The following CWF19L2 variants were observed in gnomAD, a reference collection of about 807,000 sequenced individuals.
CWF19L2 encodes CWF19 like cell cycle control factor 2.
Under a neutral mutation model 111.7 loss-of-function variants are expected in CWF19L2, and 98 were observed. That is an observed-to-expected ratio of 0.88 (90% CI 0.75 to 1.04). CWF19L2 has a LOEUF of 1.04. Among genes scored for constraint, CWF19L2 ranks in the 50% least tolerant of loss-of-function variants. The pLI is 0.00. For missense variants in CWF19L2, 1,101 were observed against 1,051.4 expected (o/e 1.05, Z -0.65); for synonymous variants, 351 against 342.9 (o/e 1.02, Z -0.26).
chr11:107,433,304 A>G (rs1861490535), intron 7 of CWF19L2, among the ~76,000 whole-genome samples: 1 of 152,132 alleles, frequency 6.6e-6, no homozygotes, highest in Non-Finnish European at 1.5e-5. Context: ...GAATATACCT[A>G]ACTCTGGAAT....
chr11:107,454,685 G>T, intron 2 of CWF19L2, 113 bp from the exon 3 acceptor site: 1 of 633,354 alleles, frequency 1.6e-6, no homozygotes, highest in Non-Finnish European at 2.3e-6. Flanking sequence ...AATCTCTGAT[G>T]AAATAAGACC....
At chr11:107,407,684 T>C (rs376775695) in intron 10 of CWF19L2, among the ~76,000 whole-genome samples, 19 of 152,180 alleles carry the variant, frequency 1.2e-4, no homozygotes, top group Admixed American at 5.2e-4. Context: ...GGCTTCAGTA[T>C]CTGTTACAGA....
chr11:107,329,598 G>C (rs925882347), intron 17 of CWF19L2, among the ~76,000 whole-genome samples: 19 of 152,104 alleles, frequency 1.2e-4, no homozygotes, highest in Non-Finnish European at 1.9e-4. Flanking sequence ...TAGAACAGTA[G>C]CTGGCACACT....
At chr11:107,376,189 G>A (rs1346953075) in intron 12 of CWF19L2, among the ~76,000 whole-genome samples, 1 of 123,662 alleles carries the variant, frequency 8.1e-6, no homozygotes. Context: ...AGAGGTACAA[G>A]GAGGAACTGG....
intron 10 of CWF19L2, among the ~76,000 whole-genome samples, chr11:107,409,132 T>C (rs1861121392): frequency 6.6e-6 from 1 of 151,418 alleles, no homozygotes; most frequent in Non-Finnish European, 1.5e-5. Flanking sequence ...AGTTCACATA[T>C]TCTGGGAATC....
At chr11:107,385,195 T>C (rs913601404) in intron 12 of CWF19L2, among the ~76,000 whole-genome samples, 5 of 152,112 alleles carry the variant, frequency 3.3e-5, no homozygotes, top group Admixed American at 2.6e-4. Flanking sequence ...TCAGGCAGGA[T>C]GAACTAAAAA....
intron 4 of CWF19L2, 131 bp from the exon 5 acceptor site, chr11:107,441,753 C>G (rs1199204892): frequency 1.2e-6 from 1 of 828,586 alleles, no homozygotes; most frequent in Non-Finnish European, 1.7e-6. Flanking sequence ...ACAAGTCCTA[C>G]ATGGCTATAT....
At chr11:107,380,195 G>A (rs1008111523) in intron 12 of CWF19L2, among the ~76,000 whole-genome samples, 1 of 151,620 alleles carries the variant, frequency 6.6e-6, no homozygotes, top group Non-Finnish European at 1.5e-5. Flanking sequence ...ATTACACAAG[G>A]ATTACCAACA....
rs758911405 is a variant in CWF19L2 at position 107,439,079 on chromosome 11, T to C, written c.664+11A>G. 5.5e-6 allele frequency: 4 copies of C among 730,050 alleles called. No individual in the cohort carries two copies. The East Asian group carries it at 1.1e-4, about 19-fold the overall frequency. The allele number at this position is 730,050 out of a possible 1,614,324, so 45.2% of individuals were successfully genotyped here. A position where few individuals can be genotyped will look rare whatever the true frequency, so the allele number is the denominator to read the frequency against. ...AAACCCTGTGTGTCTATAATCAAAA[T>C]GTAGAAATACCTTTAGTAATCGATG... On this transcript the variant is annotated intron_variant, in intron 6 of 17. Transcript: ENST00000282251.
chr11:107,328,353 C>T (rs1020784833), intron 17 of CWF19L2, among the ~76,000 whole-genome samples: 2 of 152,086 alleles, frequency 1.3e-5, no homozygotes, highest in East Asian at 3.9e-4. Context: ...AAAAGTTTAC[C>T]TAAAATTGTC....
At chr11:107,344,662 G>C (rs890289377) in intron 14 of CWF19L2, among the ~76,000 whole-genome samples, 4 of 152,162 alleles carry the variant, frequency 2.6e-5, no homozygotes, top group Non-Finnish European at 5.9e-5. Context: ...TACGAGGGCT[G>C]CTTTAAAATC....
intron 12 of CWF19L2, among the ~76,000 whole-genome samples, chr11:107,357,009 G>A (rs1860247146): frequency 6.6e-6 from 1 of 152,118 alleles, no homozygotes. Flanking sequence ...TTGCACTCCA[G>A]CCTGGGCAAC....
At chr11:107,350,249 G>A (rs1335986628) in intron 13 of CWF19L2, among the ~76,000 whole-genome samples, 3 of 152,112 alleles carry the variant, frequency 2.0e-5, no homozygotes, top group Admixed American at 2.0e-4. Flanking sequence ...TGTTCTACAT[G>A]CTAGGGAATC....
chr11:107,423,863 T>C (rs1285285644), intron 8 of CWF19L2, among the ~76,000 whole-genome samples: 1 of 151,766 alleles, frequency 6.6e-6, no homozygotes, highest in Non-Finnish European at 1.5e-5. Flanking sequence ...TGTTTGAGGA[T>C]TATTAACACA....
chr11:107,408,102 G>A (rs745743523), intron 10 of CWF19L2, among the ~76,000 whole-genome samples: 20 of 151,938 alleles, frequency 1.3e-4, no homozygotes, highest in Non-Finnish European at 2.9e-4. Context: ...AACATTCTCT[G>A]GATGCCCAGA....
chr11:107,397,078 C>A (rs1295723477), intron 10 of CWF19L2, among the ~76,000 whole-genome samples: 2 of 152,064 alleles, frequency 1.3e-5, no homozygotes, highest in Non-Finnish European at 2.9e-5. Flanking sequence ...AGGAGGGTGG[C>A]CAGAGGAGCA....
At chr11:107,445,604 TAAA>T (rs11456432) in intron 3 of CWF19L2, among the ~76,000 whole-genome samples, 1 of 143,786 alleles carries the variant, frequency 7.0e-6, no homozygotes, top group Non-Finnish European at 1.5e-5. Context: ...AACTCCGCCT[TAAA>T]AAAAAAAAAA....
chr11:107,427,384 CATAT>C (rs542786128), intron 8 of CWF19L2, among the ~76,000 whole-genome samples: 2 of 152,030 alleles, frequency 1.3e-5, no homozygotes, highest in Non-Finnish European at 2.9e-5. Flanking sequence ...TATATACACA[CATAT>C]ATAGCTTTTA....
intron 10 of CWF19L2, among the ~76,000 whole-genome samples, chr11:107,407,400 C>CA (rs5794550): frequency 0.018 from 2,588 of 145,784 alleles, 28 homozygotes; most frequent in South Asian, 0.04. Flanking sequence ...TTCCCCCTAC[C>CA]AAAAAAAAAA....
Sources: gnomAD v4.1 joint callset for allele counts (sites outside exome capture counted in the v4.1 genomes callset) on GRCh38, gnomAD v4.1.1 for gene constraint, MANE v1.5 for transcripts, NCBI Gene and HGNC (gene_info 2026-07-23, HGNC 2026-07-21) for gene names.